The following ESRRG variants were observed in gnomAD, a reference collection of about 807,000 sequenced individuals.
The protein encoded by ESRRG is estrogen-related receptor gamma.
Under a neutral mutation model 44.0 loss-of-function variants are expected in ESRRG, and 13 were observed. That is an observed-to-expected ratio of 0.30 (90% CI 0.19 to 0.47). ESRRG has a LOEUF of 0.47. Among genes scored for constraint, ESRRG ranks in the 20% least tolerant of loss-of-function variants. The pLI is 1.00. For missense variants in ESRRG, 395 were observed against 580.6 expected (o/e 0.68, Z 3.29); for synonymous variants, 215 against 214.6 (o/e 1.00, Z -0.02).
At chr1:217,135,424 G>A (rs553774498) in intron 1 of ESRRG, among the ~76,000 whole-genome samples, 12 of 152,304 alleles carry the variant, frequency 7.9e-5, no homozygotes, top group Non-Finnish European at 1.8e-4. Flanking sequence ...AATAGAGAAT[G>A]AGAAGGGAGA....
At chr1:216,923,223 CAT>C (rs1420558802) in intron 2 of ESRRG, among the ~76,000 whole-genome samples, 2 of 152,236 alleles carry the variant, frequency 1.3e-5, no homozygotes, top group African/African-American at 4.8e-5. Flanking sequence ...CTGAGCTACA[CAT>C]ATGCAGCCAA....
intron 1 of ESRRG, among the ~76,000 whole-genome samples, chr1:217,125,234 G>A (rs2092874445): frequency 6.6e-6 from 1 of 152,076 alleles, no homozygotes; most frequent in African/African-American, 2.4e-5. Flanking sequence ...GGCCTTCCAG[G>A]GGTCACAGGA....
intron 2 of ESRRG, among the ~76,000 whole-genome samples, chr1:216,884,512 C>T (rs1485249181): frequency 6.6e-6 from 1 of 152,144 alleles, no homozygotes; most frequent in Non-Finnish European, 1.5e-5. Context: ...CTCGTGGGTT[C>T]AAGGTTTAGA....
intron 2 of ESRRG, among the ~76,000 whole-genome samples, chr1:216,869,165 T>C (rs1337552837): frequency 6.6e-6 from 1 of 152,196 alleles, no homozygotes; most frequent in Non-Finnish European, 1.5e-5. Context: ...TTTTCTCTTA[T>C]GTTGTCTTCT....
chr1:217,137,487 G>T (rs2093065287), intron 1 of ESRRG, among the ~76,000 whole-genome samples: 1 of 152,220 alleles, frequency 6.6e-6, no homozygotes, highest in Non-Finnish European at 1.5e-5. Context: ...GACCGCGCCT[G>T]GGGCTCGAGA....
At chr1:217,051,213 G>GGGC (rs2085954060) in intron 1 of ESRRG, among the ~76,000 whole-genome samples, 1 of 122,452 alleles carries the variant, frequency 8.2e-6, no homozygotes, top group Non-Finnish European at 1.8e-5. Context: ...GCGGGGGGGG[G>GGGC]GGGTGCCAGG....
intron 2 of ESRRG, among the ~76,000 whole-genome samples, chr1:216,828,338 C>T (rs2095431414): frequency 6.6e-6 from 1 of 152,106 alleles, no homozygotes; most frequent in African/African-American, 2.4e-5. Flanking sequence ...TACCTTAATG[C>T]ATGGATTTAT....
chr1:217,058,644 A>G (rs139746063), intron 1 of ESRRG, among the ~76,000 whole-genome samples: 119 of 152,256 alleles, frequency 7.8e-4, no homozygotes, highest in South Asian at 1.4e-3. Flanking sequence ...CAATAACCAC[A>G]TTAGTACTAG....
intron 2 of ESRRG, among the ~76,000 whole-genome samples, chr1:216,854,321 C>T (rs113591230): frequency 1.5e-5 from 2 of 130,438 alleles, no homozygotes; most frequent in African/African-American, 5.8e-5. Flanking sequence ...CGCACCACTG[C>T]ACTCCAGCCT....
At chr1:217,027,014 C>T (rs945139534) in intron 1 of ESRRG, among the ~76,000 whole-genome samples, 1 of 150,248 alleles carries the variant, frequency 6.7e-6, no homozygotes, top group Non-Finnish European at 1.5e-5. Context: ...TGTAAGACTC[C>T]TTTTCCTTCA....
At chr1:216,794,715 C>T (rs2094428233) in intron 2 of ESRRG, among the ~76,000 whole-genome samples, 1 of 152,134 alleles carries the variant, frequency 6.6e-6, no homozygotes, top group South Asian at 2.1e-4. Context: ...AAAGGGTTCA[C>T]TGAGTAGAAA....
At position 216,842,996 on chromosome 1, in the gene ESRRG, C is replaced by A. The variant is rs1016819122; in HGVS notation, c.-14+96586G>T. ...TTAGTGACTGTGAACAAATGCTGGTCTGGATTAAATCTTTCTTTTTGCCTT... is the reference window on the plus strand; with the variant it reads ...TTAGTGACTGTGAACAAATGCTGGTATGGATTAAATCTTTCTTTTTGCCTT... On this transcript the variant is annotated intron_variant, in intron 2 of 7. Coordinates refer to the ESRRG transcript ENST00000359162. Among the ~76,000 whole-genome samples, 4 of 152,200 alleles carry A rather than the reference C, an allele frequency of 2.6e-5. No individual in the cohort carries two copies. The South Asian group carries it at 8.3e-4, about 32-fold the overall frequency.
At chr1:216,737,500 C>T (rs2090105121) in intron 2 of ESRRG, among the ~76,000 whole-genome samples, 1 of 152,156 alleles carries the variant, frequency 6.6e-6, no homozygotes, top group Non-Finnish European at 1.5e-5. Flanking sequence ...AATTTAAAAT[C>T]TTTGGCATCA....
At chr1:217,053,887 C>T (rs2086591602) in intron 1 of ESRRG, among the ~76,000 whole-genome samples, 1 of 151,980 alleles carries the variant, frequency 6.6e-6, no homozygotes, top group Non-Finnish European at 1.5e-5. Flanking sequence ...TGGTGGGTCC[C>T]AATGGCACAA....
intron 1 of ESRRG, among the ~76,000 whole-genome samples, chr1:217,103,101 G>C (rs1158422867): frequency 6.6e-6 from 1 of 151,778 alleles, no homozygotes; most frequent in African/African-American, 2.4e-5. Context: ...GGAAGGCTTG[G>C]ATTGGAGATT....
chr1:216,759,025 T>C (rs2092622020), intron 2 of ESRRG, among the ~76,000 whole-genome samples: 1 of 152,058 alleles, frequency 6.6e-6, no homozygotes, highest in South Asian at 2.1e-4. Context: ...TACCATCATT[T>C]CAAACAAGGT....
intron 1 of ESRRG, among the ~76,000 whole-genome samples, chr1:217,125,375 C>T (rs182821121): frequency 6.6e-6 from 1 of 152,304 alleles, no homozygotes; most frequent in East Asian, 1.9e-4. Flanking sequence ...ATAGTACATA[C>T]TAGACTCTGA....
intron 1 of ESRRG, among the ~76,000 whole-genome samples, chr1:217,102,047 C>T (rs2092522490): frequency 6.6e-6 from 1 of 152,126 alleles, no homozygotes; most frequent in Non-Finnish European, 1.5e-5. Context: ...CTCAGGTGAT[C>T]CCCCCGCTTC....
chr1:216,593,109 A>G (rs1318406017), intron 3 of ESRRG, among the ~76,000 whole-genome samples: 1 of 152,204 alleles, frequency 6.6e-6, no homozygotes, highest in African/African-American at 2.4e-5. Context: ...TAGAGAAAGA[A>G]CAGCCACCGA....
Sources: allele counts gnomAD v4.1 joint callset (sites outside exome capture counted in the v4.1 genomes callset), GRCh38; gene constraint gnomAD v4.1.1; transcripts MANE v1.5; gene names NCBI Gene and HGNC (gene_info 2026-07-23, HGNC 2026-07-21).